Variants in ROBO2 observed in about 807,000 individuals in gnomAD.
The protein encoded by ROBO2 is roundabout homolog 2.
A neutral mutation model predicts 160.8 loss-of-function variants in ROBO2; 53 were observed. The ratio of observed to expected loss-of-function variants is 0.33; its 90% CI spans 0.26 to 0.41. The LOEUF is 0.41. Ranked by LOEUF, ROBO2 falls within the 10% of genes least tolerant of loss-of-function variation. The pLI, the probability that ROBO2 is intolerant of heterozygous loss-of-function variation, is 1.00. For missense variants in ROBO2, 1,577 were observed against 1,722.4 expected (o/e 0.92, Z 1.49); for synonymous variants, 664 against 611.7 (o/e 1.09, Z -1.26).
At chr3:76,585,580 C>T (rs1233564036) in intron 2 of ROBO2, among the ~76,000 whole-genome samples, 1 of 152,144 alleles carries the variant, frequency 6.6e-6, no homozygotes. Context: ...TTAGGACCCA[C>T]ATTTTGAGAA....
chr3:77,486,228 C>T (rs1414196916), intron 4 of ROBO2, among the ~76,000 whole-genome samples: 1 of 152,066 alleles, frequency 6.6e-6, no homozygotes, highest in Non-Finnish European at 1.5e-5. Flanking sequence ...AATAGTGCTA[C>T]AATGAACATA....
intron 11 of ROBO2, 144 bp downstream of exon 12, chr3:77,563,473 C>A: frequency 1.2e-6 from 1 of 841,472 alleles, no homozygotes; most frequent in Non-Finnish European, 1.9e-6. Context: ...TGACTTTATT[C>A]AAGAACAGAG....
At chr3:77,055,731 G>A (rs2065675348) in intron 1 of ROBO2, among the ~76,000 whole-genome samples, 1 of 152,022 alleles carries the variant, frequency 6.6e-6, no homozygotes, top group African/African-American at 2.4e-5. Flanking sequence ...AAAGCCAGAG[G>A]CTAACTTTAT....
chr3:77,317,274 AT>A lies in ROBO2; in HGVS notation c.389-160130del, dbSNP rs373374343. On this transcript the variant is annotated intron_variant, in intron 2 of 25. Coordinates refer to ENST00000461745, the Ensembl canonical transcript of ROBO2. Reference sequence around the variant, plus strand: ...ACTTGCACCCTGTCTTGATTTTAGCATTTTTTTTTTCCCAGTGTTAGGTGAC... The same window carrying A: ...ACTTGCACCCTGTCTTGATTTTAGCATTTTTTTTTCCCAGTGTTAGGTGAC... The A allele has an allele frequency of 7.6e-3, 5,126 of 678,034 alleles. 25 individuals carry two copies. Among genetic ancestry groups the A allele is most frequent in the Middle Eastern group, 0.021 (81 of 3,782 alleles). 42.0% of individuals were successfully genotyped at this position (678,034 alleles called of 1,614,324 possible).
At position 75,937,296 on chromosome 3, in the gene ROBO2, T is replaced by A. The variant is rs1457174333; in HGVS notation, c.-13-185T>A. Among the ~76,000 whole-genome samples the A allele has an allele frequency of 2.4e-4, 37 of 152,258 alleles. 1 individual carries two copies. Among genetic ancestry groups the A allele is most frequent in the African/African-American group, 8.7e-4 (36 of 41,568 alleles). On this transcript the variant is annotated intron_variant, in intron 1 of 26. Transcript: ENST00000487694. ...GCTTAGAATAAAGATTAAAGATGAA[T>A]GAGCTTTCATATTAATCATCAATAT...
At chr3:77,508,194 A>C (rs1248446233) in intron 5 of ROBO2, among the ~76,000 whole-genome samples, 2 of 151,460 alleles carry the variant, frequency 1.3e-5, no homozygotes, top group East Asian at 3.9e-4. Flanking sequence ...ACTAAATTGA[A>C]AGTTCCAGCC....
intron 2 of ROBO2, among the ~76,000 whole-genome samples, chr3:76,782,968 G>T (rs761063780): frequency 3.3e-5 from 5 of 149,478 alleles, no homozygotes; most frequent in Non-Finnish European, 6.0e-5. Context: ...TCCCTCTCTT[G>T]CTCTCCTTCT....
chr3:75,924,955 T>C (rs1213918632), intron 1 of ROBO2, among the ~76,000 whole-genome samples: 2 of 151,810 alleles, frequency 1.3e-5, no homozygotes, highest in African/African-American at 2.4e-5. Context: ...CCCAAAGTGC[T>C]GGGATTACAG....
chr3:77,317,974 C>T (rs966083481), intron 2 of ROBO2, among the ~76,000 whole-genome samples: 1 of 151,552 alleles, frequency 6.6e-6, no homozygotes, highest in African/African-American at 2.4e-5. Flanking sequence ...TATAAGGCTC[C>T]ACATTGCGAA....
At chr3:76,297,264 G>A (rs1709121202) in intron 2 of ROBO2, among the ~76,000 whole-genome samples, 1 of 152,128 alleles carries the variant, frequency 6.6e-6, no homozygotes. Context: ...TTGCCTCTCT[G>A]AAACTGGATT....
intron 2 of ROBO2, among the ~76,000 whole-genome samples, chr3:77,022,634 CTT>C (rs1197811454): frequency 6.6e-6 from 1 of 152,058 alleles, no homozygotes; most frequent in Non-Finnish European, 1.5e-5. Flanking sequence ...TCACATAAAA[CTT>C]TGATTAAACA....
rs1267729058 is a variant in ROBO2, at chr3:77,455,589, G to A, written c.389-21825G>A. 1.2e-4 allele frequency among the ~76,000 whole-genome samples: 18 copies of A among 151,978 alleles called. No homozygotes were observed. The South Asian group carries it at 1.2e-3, about 11-fold the overall frequency. On this transcript the variant is annotated intron_variant, in intron 2 of 25. Transcript: ENST00000461745. ...TGGGATTACAGGCACACACCACCAC[G>A]CCCAGCTAATTTTTGTATTTTTAGT...
intron 2 of ROBO2, among the ~76,000 whole-genome samples, chr3:76,104,420 G>A (rs1296401772): frequency 1.3e-5 from 2 of 152,140 alleles, no homozygotes; most frequent in Admixed American, 1.3e-4. Flanking sequence ...ATAGTATACA[G>A]ACTTGAGACT....
chr3:76,138,835 T>C (rs1329626962), intron 2 of ROBO2, among the ~76,000 whole-genome samples: 1 of 152,138 alleles, frequency 6.6e-6, no homozygotes, highest in Non-Finnish European at 1.5e-5. Flanking sequence ...AATAGCATCT[T>C]TCAGACATTT....
chr3:77,024,413 G>C (rs2062822649), intron 2 of ROBO2, among the ~76,000 whole-genome samples: 1 of 152,178 alleles, frequency 6.6e-6, no homozygotes, highest in African/African-American at 2.4e-5. Flanking sequence ...AAAATGGATA[G>C]CTTGAGACAC....
At chr3:76,412,046 G>A (rs910947578) in intron 2 of ROBO2, among the ~76,000 whole-genome samples, 4 of 152,164 alleles carry the variant, frequency 2.6e-5, no homozygotes, top group African/African-American at 9.7e-5. Flanking sequence ...GTTCCACATG[G>A]CTGGGGAGGC....
At chr3:77,020,924 G>C (rs759420248) in intron 2 of ROBO2, among the ~76,000 whole-genome samples, 7 of 152,182 alleles carry the variant, frequency 4.6e-5, no homozygotes, top group African/African-American at 7.2e-5. Flanking sequence ...CACACTCTTT[G>C]CCAGGTGTGG....
chr3:76,614,546 T>A (rs550701230), intron 2 of ROBO2, among the ~76,000 whole-genome samples: 8 of 152,048 alleles, frequency 5.3e-5, no homozygotes, highest in Non-Finnish European at 7.4e-5. Context: ...AGAAATCAAA[T>A]TATCATGTTT....
At chr3:76,235,025 G>A (rs902502428) in intron 2 of ROBO2, among the ~76,000 whole-genome samples, 1 of 152,092 alleles carries the variant, frequency 6.6e-6, no homozygotes, top group Non-Finnish European at 1.5e-5. Flanking sequence ...TTAAGATGTC[G>A]TGAAAACATT....
Sources: allele counts gnomAD v4.1 joint callset (sites outside exome capture counted in the v4.1 genomes callset), GRCh38; gene constraint gnomAD v4.1.1; transcripts MANE v1.5; gene names NCBI Gene and HGNC (gene_info 2026-07-23, HGNC 2026-07-21).